HSD17B2: variants seen among roughly 807,000 people sequenced by gnomAD.
HSD17B2 encodes the protein hydroxysteroid 17-beta dehydrogenase 2, also known as 17-beta-hydroxysteroid dehydrogenase type 2.
HSD17B2 carries 32 observed loss-of-function variants against 26.9 expected under a neutral mutation model. That is an observed-to-expected ratio of 1.19 (90% CI 0.90 to 1.60). The LOEUF (loss-of-function observed/expected upper bound fraction) is 1.60, where lower values mean the gene tolerates loss of function less well. HSD17B2 is among the 40% of genes most tolerant of loss of function. The pLI is 0.00. For missense variants in HSD17B2, 613 were observed against 468.6 expected, an observed-to-expected ratio of 1.31 and a Z score of -2.85; for synonymous variants, 246 against 186.7, an observed-to-expected ratio of 1.32 and a Z score of -2.59.
At chr16:82,048,197 G>A (rs572279124) in intron 1 of HSD17B2, among the ~76,000 whole-genome samples, 2 of 152,294 alleles carry the variant, frequency 1.3e-5, no homozygotes, top group South Asian at 2.1e-4. Flanking sequence ...GACGAGTGTA[G>A]ACAGAGATTA....
At chr16:82,042,291 C>A (rs1567576513) in intron 1 of HSD17B2, among the ~76,000 whole-genome samples, 1 of 152,320 alleles carries the variant, frequency 6.6e-6, no homozygotes, top group East Asian at 1.9e-4. Context: ...AGGCATGAGT[C>A]ACCACGCCCA....
intron 3 of HSD17B2, among the ~76,000 whole-genome samples, chr16:82,077,199 G>A (rs1315842769): frequency 6.6e-6 from 1 of 152,150 alleles, no homozygotes; most frequent in African/African-American, 2.4e-5. Context: ...AAAAGACTCA[G>A]AAGAGCCAAA....
intron 1 of HSD17B2, among the ~76,000 whole-genome samples, chr16:82,037,667 T>A (rs1913657428): frequency 6.6e-6 from 1 of 152,130 alleles, no homozygotes; most frequent in African/African-American, 2.4e-5. Flanking sequence ...ATATTAAATA[T>A]CAAAAGCAAC....
chr16:82,073,980 G>A (rs192297940), intron 3 of HSD17B2, among the ~76,000 whole-genome samples: 28 of 152,276 alleles, frequency 1.8e-4, no homozygotes, highest in African/African-American at 6.7e-4. Context: ...AAGCAAAACA[G>A]CATGGTCCTG....
intron 1 of HSD17B2, among the ~76,000 whole-genome samples, chr16:82,067,144 T>A (rs1914590774): frequency 6.6e-6 from 1 of 152,226 alleles, no homozygotes; most frequent in Non-Finnish European, 1.5e-5. Flanking sequence ...CCCACTCACA[T>A]ACTGATCTTT....
In HSD17B2 at chr16:82,068,277, C is replaced by T. The variant is rs140436659; in HGVS notation, c.373C>T (p.Arg125Ter). ...AAATGGCCCAGGAGCTGAGGAATTG[C>T]GAAGAACCTGCTCTCCGCGCCTCTC... The part of the protein sequence containing the change: ...NENGPGAEEL[R>*]RTCSPRLSVL... Residue 125 changes from arginine to a stop codon, truncating the protein, a stop_gained, in exon 2 of 5, where the codon CGA becomes TGA. Transcript: ENST00000199936. LOFTEE classifies it high-confidence loss of function. 382 of 1,613,674 alleles carry T rather than the reference C, an allele frequency of 2.4e-4. No individual in the cohort carries two copies. Among genetic ancestry groups the T allele is most frequent in the Non-Finnish European group, 3.0e-4 (353 of 1,179,962 alleles).
chr16:82,038,460 C>T (rs905526405), intron 1 of HSD17B2, among the ~76,000 whole-genome samples: 3 of 152,214 alleles, frequency 2.0e-5, no homozygotes, highest in African/African-American at 7.2e-5. Context: ...AGTGATTCTC[C>T]TGCCTCAGCC....
chr16:82,091,902 A>G (rs1904705739), intron 4 of HSD17B2: 1 of 152,238 alleles, frequency 6.6e-6, no homozygotes, highest in African/African-American at 2.4e-5. Flanking sequence ...ACACTGGGTT[A>G]GAACCCTGGT....
intron 1 of HSD17B2, among the ~76,000 whole-genome samples, chr16:82,039,936 A>C (rs765005946): frequency 2.0e-4 from 30 of 152,124 alleles, no homozygotes; most frequent in Non-Finnish European, 3.4e-4. Flanking sequence ...TTGTGTGTGG[A>C]GCTGGGGAAA....
intron 1 of HSD17B2, among the ~76,000 whole-genome samples, chr16:82,060,582 A>C (rs1009819008): frequency 2.0e-5 from 3 of 152,236 alleles, no homozygotes; most frequent in African/African-American, 7.2e-5. Flanking sequence ...TGCAAAATTC[A>C]TTGTGTGGGA....
chr16:82,089,131 G>C (rs759869153), intron 3 of HSD17B2, among the ~76,000 whole-genome samples: 1 of 152,148 alleles, frequency 6.6e-6, no homozygotes, highest in African/African-American at 2.4e-5. Context: ...AATGTTCATA[G>C]CACCCCCACC....
chr16:82,062,246 T>C (rs1215045599), intron 1 of HSD17B2, among the ~76,000 whole-genome samples: 1 of 152,226 alleles, frequency 6.6e-6, no homozygotes, highest in Non-Finnish European at 1.5e-5. Context: ...CAAATGGGTC[T>C]GTAGTAGTCA....
intron 4 of HSD17B2, chr16:82,091,865 C>G (rs1904704782): frequency 6.6e-6 from 1 of 152,160 alleles, no homozygotes. Context: ...ATTGCGTTGG[C>G]TTATAAGTCA....
chr16:82,074,368 C>A (rs1449659262), intron 3 of HSD17B2, among the ~76,000 whole-genome samples: 1 of 152,154 alleles, frequency 6.6e-6, no homozygotes, highest in South Asian at 2.1e-4. Context: ...TCAGAAACCA[C>A]CCAAGGTACT....
intron 3 of HSD17B2, among the ~76,000 whole-genome samples, chr16:82,075,520 A>G (rs1487213660): frequency 6.6e-6 from 1 of 152,174 alleles, no homozygotes; most frequent in Non-Finnish European, 1.5e-5. Context: ...AAAATCAGAG[A>G]TGACAAAGGA....
At chr16:82,042,673 G>A (rs544536707) in intron 1 of HSD17B2, among the ~76,000 whole-genome samples, 3 of 152,044 alleles carry the variant, frequency 2.0e-5, no homozygotes, top group Non-Finnish European at 4.4e-5. Flanking sequence ...CCAGGCTGGA[G>A]TGCAATGGCA....
At chr16:82,081,476 G>A (rs1486684022) in intron 3 of HSD17B2, among the ~76,000 whole-genome samples, 1 of 152,094 alleles carries the variant, frequency 6.6e-6, no homozygotes, top group Non-Finnish European at 1.5e-5. Context: ...AGCCAGGAGG[G>A]TGGGGCTCTC....
At position 82,069,741 on chromosome 16, in the gene HSD17B2, G is replaced by A. The variant is rs148779549; in HGVS notation, c.479-1201G>A. ...AATTACCTATGCTGGGGTCCAGGAT[G>A]GGCTATGTAACTAACTTGGCAGACC... is the stretch of plus-strand genomic sequence containing the variant. On this transcript the variant is annotated intron_variant, in intron 2 of 4. Coordinates refer to ENST00000199936, the MANE Select transcript of HSD17B2 (RefSeq NM_002153.3). Among the ~76,000 whole-genome samples, 5 of 152,290 alleles carry A rather than the reference G, an allele frequency of 3.3e-5. No individual in the cohort carries two copies. The East Asian group carries it at 9.6e-4, about 29-fold the overall frequency.
rs75887479 is a variant in HSD17B2 at position 82,046,531 on chromosome 16, T to C, written c.265+10842T>C. ...TGAGCCCGGGAGTTCAACACTAGAC[T>C]GAGGAACATGGTAAAACCCCATATC... On this transcript the variant is annotated intron_variant, in intron 1 of 4. Coordinates refer to ENST00000199936, the MANE Select transcript of HSD17B2 (RefSeq NM_002153.3). 7.6e-3 allele frequency among the ~76,000 whole-genome samples: 1,157 copies of C among 152,224 alleles called. 6 individuals are homozygous for C. The highest frequency in any genetic ancestry group is 0.031 in the Middle Eastern group (9 of 294).
Sources: gnomAD v4.1 joint callset for allele counts (sites outside exome capture counted in the v4.1 genomes callset) on GRCh38, gnomAD v4.1.1 for gene constraint, MANE v1.5 for transcripts, NCBI Gene and HGNC (gene_info 2026-07-23, HGNC 2026-07-21) for gene names.